CRPPA: variants seen among roughly 807,000 people sequenced by gnomAD.
CRPPA encodes the protein CDP-L-ribitol pyrophosphorylase A.
In CRPPA, 43 loss-of-function variants were observed where a neutral mutation model predicts 52.0. The ratio of observed to expected loss-of-function variants is 0.83; its 90% CI spans 0.65 to 1.07. CRPPA has a LOEUF of 1.07. Ranked by LOEUF, CRPPA falls within the 50% of genes least tolerant of loss-of-function variation. CRPPA has a pLI of 0.00. For synonymous variants in CRPPA, 250 were observed against 203.5 expected (o/e 1.23, Z -1.94); for missense variants, 629 against 551.7 (o/e 1.14, Z -1.40).
rs1383441904 is a variant in CRPPA at position 16,378,281 on chromosome 7, C to T, written c.535-2040G>A. Among the ~76,000 whole-genome samples the T allele has an allele frequency of 5.6e-5, 6 of 107,810 alleles. No individual in the cohort carries two copies. In the East Asian group the frequency reaches 2.1e-3, roughly 37 times the overall value. 70.7% of individuals were successfully genotyped at this position (107,810 alleles called of 152,430 possible). A position where few individuals can be genotyped will look rare whatever the true frequency, so the allele number is the denominator to read the frequency against. On this transcript the variant is annotated intron_variant, in intron 2 of 9. Transcript: ENST00000407010. ...CCCCCTCCCCCCACCCCACAACAGA[C>T]CCCAGAGTGTGATGTTCCCCTTCCT...
chr7:16,222,009 T>C (rs1363797416), intron 8 of CRPPA, among the ~76,000 whole-genome samples: 12 of 151,604 alleles, frequency 7.9e-5, no homozygotes, highest in Admixed American at 1.3e-4. Context: ...ATGTTTATTG[T>C]GGCATTATTC....
At chr7:16,124,592 T>G (rs1267890157) in intron 9 of CRPPA, among the ~76,000 whole-genome samples, 1 of 152,138 alleles carries the variant, frequency 6.6e-6, no homozygotes, top group Non-Finnish European at 1.5e-5. Flanking sequence ...AAAGGTTGGT[T>G]AGTAGATACA....
intron 3 of CRPPA, among the ~76,000 whole-genome samples, chr7:16,348,153 C>G (rs1292415749): frequency 6.6e-6 from 1 of 152,144 alleles, no homozygotes; most frequent in Non-Finnish European, 1.5e-5. Context: ...ATCAGCACTT[C>G]CCAAGCCTTC....
intron 8 of CRPPA, among the ~76,000 whole-genome samples, chr7:16,224,591 C>T (rs1782601724): frequency 6.6e-6 from 1 of 152,002 alleles, no homozygotes; most frequent in Non-Finnish European, 1.5e-5. Context: ...GTAGATAAAC[C>T]AGAGAGATTC....
intron 2 of CRPPA, among the ~76,000 whole-genome samples, chr7:16,381,253 G>A (rs1663602): frequency 3.9e-5 from 6 of 152,202 alleles, no homozygotes; most frequent in Non-Finnish European, 5.9e-5. Flanking sequence ...TATGTATCCA[G>A]TAGTCATTCC....
In CRPPA at chr7:16,278,134, A is replaced by T; in HGVS notation, c.928T>A (p.Leu310Ile). 1 of 1,507,470 alleles carries T rather than the reference A, an allele frequency of 6.6e-7. No individual in the cohort carries two copies. Among genetic ancestry groups the T allele is most frequent in the Non-Finnish European group, 9.1e-7 (1 of 1,093,298 alleles). The allele number at this position is 1,507,470 out of a possible 1,614,324, so 93.4% of individuals were successfully genotyped here. A position where few individuals can be genotyped will look rare whatever the true frequency, so the allele number is the denominator to read the frequency against. ...CTCAGTCTTTGAATACTTACATTTA[A>T]TTCACTTTTCAGCACTTCTTCAAGA... The part of the protein sequence containing the change: ...HLLEEVLKSE[L>I]NHVKVTSEAL... Residue 310 changes from leucine (L) to isoleucine (I), a missense_variant, in exon 6 of 10, where the codon TTA (leucine) becomes ATA (isoleucine). Leu to Ile is a conservative substitution (Grantham distance 5). Coordinates refer to ENST00000407010, the MANE Select transcript of CRPPA (RefSeq NM_001101426.4).
chr7:16,399,906 A>T (rs1452602057), intron 2 of CRPPA, among the ~76,000 whole-genome samples: 1 of 151,970 alleles, frequency 6.6e-6, no homozygotes, highest in Non-Finnish European at 1.5e-5. Flanking sequence ...TATGTGATCA[A>T]CACGTGTGTG....
chr7:16,191,491 C>T (rs528998265), intron 9 of CRPPA, among the ~76,000 whole-genome samples: 15 of 152,208 alleles, frequency 9.9e-5, no homozygotes, highest in Non-Finnish European at 2.1e-4. Context: ...GTAGGAAGCA[C>T]TCCTAAGGTG....
In CRPPA at chr7:16,258,425, T is replaced by C. The variant is rs772444578; in HGVS notation, c.1084A>G (p.Ser362Gly). The C allele has an allele frequency of 1.2e-6, 2 of 1,607,626 alleles. No homozygotes were observed. The highest frequency in any genetic ancestry group is 2.2e-5 in the East Asian group (1 of 44,608). Residue 362 changes from serine (S) to glycine (G), a missense_variant, in exon 8 of 10, where the codon AGT (serine) becomes GGT (glycine). Physicochemically the swap from Ser to Gly is moderately conservative, Grantham distance 56. Transcript: ENST00000407010. The stretch of plus-strand genomic sequence containing the variant: ...ACAACAGGATATAAAATGCAAAGAC[T>C]ACTCTCTTCAAGCATGCTCAGTAAC... ...QKLLSMLEES[S>G]LCILYPVVVV...
chr7:16,119,477 C>G (rs1782441610), intron 9 of CRPPA, among the ~76,000 whole-genome samples: 1 of 151,950 alleles, frequency 6.6e-6, no homozygotes, highest in African/African-American at 2.4e-5. Flanking sequence ...GTGAGATATA[C>G]AAGTCCAAAT....
chr7:16,372,399 T>C (rs1407876287), intron 3 of CRPPA, among the ~76,000 whole-genome samples: 9 of 152,316 alleles, frequency 5.9e-5, no homozygotes, highest in Non-Finnish European at 7.4e-5. Flanking sequence ...ATCTTTAGCC[T>C]CCTGAAACAA....
At chr7:16,289,044 A>G (rs1784506540) in intron 5 of CRPPA, among the ~76,000 whole-genome samples, 1 of 152,056 alleles carries the variant, frequency 6.6e-6, no homozygotes. Flanking sequence ...TACTACAGAA[A>G]TACAGAGGAT....
intron 9 of CRPPA, among the ~76,000 whole-genome samples, chr7:16,202,733 T>G (rs570077733): frequency 6.6e-6 from 1 of 152,308 alleles, no homozygotes; most frequent in African/African-American, 2.4e-5. Flanking sequence ...ACGAATGTGA[T>G]AAAGGAAGCC....
chr7:16,302,394 C>A (rs1052368682), intron 4 of CRPPA, among the ~76,000 whole-genome samples: 1 of 151,522 alleles, frequency 6.6e-6, no homozygotes, highest in African/African-American at 2.4e-5. Context: ...TGTCCTATGG[C>A]AGATACTTCA....
chr7:16,165,791 G>C (rs1467649858), intron 9 of CRPPA, among the ~76,000 whole-genome samples: 1 of 152,124 alleles, frequency 6.6e-6, no homozygotes, highest in Non-Finnish European at 1.5e-5. Context: ...ATTATAAAAA[G>C]GTGACATAGC....
intron 3 of CRPPA, among the ~76,000 whole-genome samples, chr7:16,350,565 C>T (rs1162824690): frequency 6.6e-6 from 1 of 152,012 alleles, no homozygotes; most frequent in Non-Finnish European, 1.5e-5. Flanking sequence ...TTATAAGATG[C>T]TTTATGTAAG....
At position 16,308,669 on chromosome 7, in the gene CRPPA, G is replaced by T. The variant is rs373276049; in HGVS notation, c.685-42C>A. The T allele has an allele frequency of 4.7e-5, 56 of 1,187,186 alleles. No individual in the cohort carries two copies. The African/African-American group carries it at 4.8e-4, about 10-fold the overall frequency. 73.5% of individuals were successfully genotyped at this position (1,187,186 alleles called of 1,614,324 possible). A position where few individuals can be genotyped will look rare whatever the true frequency, so the allele number is the denominator to read the frequency against. On this transcript the variant is annotated intron_variant, in intron 3 of 9. Coordinates refer to ENST00000407010, the MANE Select transcript of CRPPA (RefSeq NM_001101426.4). ...AACAACAACAATTAAGCTAAAATGC[G>T]ATTTTAAGTAAAACCAAGCCTTTTA...
intron 2 of CRPPA, among the ~76,000 whole-genome samples, chr7:16,388,099 T>C (rs898813625): frequency 6.6e-6 from 1 of 152,154 alleles, no homozygotes; most frequent in African/African-American, 2.4e-5. Flanking sequence ...CCTGCCAGCC[T>C]CAGCCTCCCA....
At chr7:16,246,046 T>A (rs190549783) in intron 8 of CRPPA, among the ~76,000 whole-genome samples, 3 of 152,074 alleles carry the variant, frequency 2.0e-5, no homozygotes, top group Admixed American at 2.0e-4. Flanking sequence ...CTTCTTTTCA[T>A]AAAAAAAATT....
Sources: allele counts gnomAD v4.1 joint callset (sites outside exome capture counted in the v4.1 genomes callset), GRCh38; gene constraint gnomAD v4.1.1; transcripts MANE v1.5; gene names NCBI Gene and HGNC (gene_info 2026-07-23, HGNC 2026-07-21).